Variants in SEC31B observed in about 807,000 individuals in gnomAD.
SEC31B encodes the protein SEC31 homolog B, COPII component.
A neutral mutation model predicts 135.0 loss-of-function variants in SEC31B; 113 were observed. That is an observed-to-expected ratio of 0.84 (90% confidence interval 0.72 to 0.98). The LOEUF is 0.98. Ranked by LOEUF, SEC31B falls within the 50% of genes least tolerant of loss-of-function variation. SEC31B has a pLI of 0.00. For synonymous variants in SEC31B, 508 were observed against 549.4 expected (o/e 0.92, Z 1.05); for missense variants, 1,296 against 1,421.1 (o/e 0.91, Z 1.42).
At chr10:100,509,170 A>C (rs936251401) in intron 4 of SEC31B, 68 bp from the exon 5 acceptor site, 8 of 1,564,580 alleles carry the variant, frequency 5.1e-6, no homozygotes, top group East Asian at 2.2e-5. Flanking sequence ...AGGAGGAAAG[A>C]AGCCCAAATT....
At chr10:100,497,641 A>T in intron 16 of SEC31B, 26 bp downstream of exon 16, 1 of 1,613,974 alleles carries the variant, frequency 6.2e-7, no homozygotes. Context: ...ACACCATTTC[A>T]TCCTGAAGCC....
intron 3 of SEC31B, 142 bp from the exon 4 acceptor site, chr10:100,509,653 A>C (rs1851703293): frequency 3.2e-6 from 2 of 631,120 alleles, no homozygotes; most frequent in East Asian, 5.6e-5. Flanking sequence ...TTTCCCAGAC[A>C]GAAGGGATGT....
intron 10 of SEC31B, among the ~76,000 whole-genome samples, chr10:100,504,423 G>A (rs975069612): frequency 6.6e-6 from 1 of 152,196 alleles, no homozygotes; most frequent in African/African-American, 2.4e-5. Flanking sequence ...CCGACCAGCT[G>A]CAAGGACATC....
chr10:100,498,515 C>T (rs1480896120), intron 14 of SEC31B, among the ~76,000 whole-genome samples, 190 bp downstream of exon 14: 1 of 152,112 alleles, frequency 6.6e-6, no homozygotes, highest in African/African-American at 2.4e-5. Context: ...GAAGGCCTTC[C>T]ATAGGAAGGA....
In SEC31B at chr10:100,488,856, A is replaced by G. The variant is rs1248555203; in HGVS notation, c.3288+2T>C. On this transcript the variant is annotated splice_donor_variant, in intron 24 of 25. Transcript: ENST00000370345. LOFTEE classifies it high-confidence loss of function. ...GGCACTGTGAAGAAGGTTCAGACTT[A>G]CTAAGTCAGTTGCAGACAGGGAGCA... 2.5e-6 allele frequency: 4 copies of G among 1,587,752 alleles called. No homozygotes were observed. The highest frequency in any genetic ancestry group is 3.4e-6 in the Non-Finnish European group (4 of 1,167,858).
In SEC31B at chr10:100,506,196, T is replaced by G; in HGVS notation, c.888A>C (p.Val296=). ...LCRNLGSSEV[V]YKLPTQSSWC... Reference sequence around the variant, plus strand: ...AGCTGCTCTGTGTTGGTAGCTTATATACCACCTAATATGAGGGAACACACC... The same window carrying G: ...AGCTGCTCTGTGTTGGTAGCTTATAGACCACCTAATATGAGGGAACACACC... Residue 296 remains valine (V), a synonymous_variant, in exon 9 of 26, where the codon GTA becomes GTC. Transcript: ENST00000370345. 5 of 1,614,188 alleles carry G rather than the reference T, an allele frequency of 3.1e-6. No homozygotes were observed. The highest frequency in any genetic ancestry group is 4.2e-6 in the Non-Finnish European group (5 of 1,180,028).
chr10:100,495,426 C>T lies in SEC31B; in HGVS notation c.2431G>A (p.Glu811Lys), dbSNP rs1453656170. 1.9e-6 allele frequency: 3 copies of T among 1,613,852 alleles called. No homozygotes were observed. The African/African-American group carries it at 4.0e-5, about 22-fold the overall frequency. Residue 811 changes from glutamate to lysine, a missense_variant, in exon 19 of 26, where the codon GAG becomes AAG. Coordinates refer to ENST00000370345, the MANE Select transcript of SEC31B (RefSeq NM_015490.4). ...IVVGATLHSK[E>K]TSSYRLGSQP... ...GATCCCAATCTGTAAGATGATGTCTCTTTAGAGTGGAGGGTAGCTCCCACA... is the reference window on the plus strand; with the variant it reads ...GATCCCAATCTGTAAGATGATGTCTTTTTAGAGTGGAGGGTAGCTCCCACA...
At chr10:100,506,238 G>A in intron 8 of SEC31B, 37 bp from the exon 9 acceptor site, 2 of 1,614,078 alleles carry the variant, frequency 1.2e-6, no homozygotes, top group Non-Finnish European at 1.7e-6. Flanking sequence ...GACAGTCCAT[G>A]AAACCCAAAA....
In SEC31B at chr10:100,505,451, C is replaced by T. The variant is rs544074891; in HGVS notation, c.1089G>A (p.Gln363=). The T allele has an allele frequency of 3.1e-6, 5 of 1,592,304 alleles. No individual in the cohort carries two copies. In the South Asian group the frequency reaches 3.5e-5, roughly 11 times the overall value. The change falls in exon 10 of 26, where the codon CAG becomes CAA. Residue 363 remains glutamine (Q), a synonymous_variant. Coordinates refer to ENST00000370345, the MANE Select transcript of SEC31B (RefSeq NM_015490.4). The part of the protein sequence containing the change: ...FSKGQPLPPL[Q]VPEQVAQAPL... Reference sequence around the variant, plus strand: ...GTGCTTGTGCCACTTGCTCTGGCACCTGCAGTGGTGGGAGAGGCTGGCCTT... The same window carrying T: ...GTGCTTGTGCCACTTGCTCTGGCACTTGCAGTGGTGGGAGAGGCTGGCCTT...
Position 100,509,406 on chromosome 10 carries a change from G to A in SEC31B, c.309C>T (p.Thr103=), listed in dbSNP as rs746564253. Residue 103 remains threonine, a synonymous_variant, in exon 4 of 26, where the codon ACC becomes ACT. Transcript: ENST00000370345. ...DNGMLILYNV[T]HILSSGKEPV... The stretch of plus-strand genomic sequence containing the variant: ...GCTCCTTCCCCGAAGACAGGATGTG[G>A]GTCACATTGTATAGAATAAGCATGC... The A allele has an allele frequency of 1.9e-6, 3 of 1,614,134 alleles. No individual in the cohort carries two copies. The highest frequency in any genetic ancestry group is 2.5e-6 in the Non-Finnish European group (3 of 1,180,012).
chr10:100,497,842 A>C (rs1359638975), intron 15 of SEC31B, 49 bp from the exon 16 acceptor site: 7 of 1,613,654 alleles, frequency 4.3e-6, no homozygotes, highest in Non-Finnish European at 5.1e-6. Context: ...CATCCAGCAT[A>C]GGCAGCAGGA....
rs767897821 is a variant in SEC31B at position 100,502,482 on chromosome 10, A to C, written c.1182T>G (p.Phe394Leu). The C allele has an allele frequency of 1.2e-6, 2 of 1,611,174 alleles. No individual in the cohort carries two copies. The highest frequency in any genetic ancestry group is 2.2e-5 in the South Asian group (2 of 90,948). ...GGCCAAAAGTAACCAGCTTCCCTCC[A>C]AACTGGTGAGGAAAAGCAAGAAGGG... ...IRRPTGVSFA[F>L]GGKLVTFGLP... The change falls in exon 11 of 26, where the codon TTT (phenylalanine) becomes TTG (leucine). Residue 394 changes from phenylalanine to leucine, a missense_variant and splice_region_variant. Physicochemically the swap from Phe to Leu is conservative, Grantham distance 22. Coordinates refer to ENST00000370345, the MANE Select transcript of SEC31B (RefSeq NM_015490.4).
chr10:100,508,881 A>T (rs1360991507), intron 5 of SEC31B, 126 bp downstream of exon 5: 21 of 712,454 alleles, frequency 2.9e-5, no homozygotes, highest in Non-Finnish European at 4.6e-5. Flanking sequence ...TAGTCTGTGG[A>T]GCTTTATTGC....
At chr10:100,489,513 TGG>T (rs1851258099) in intron 22 of SEC31B, 115 bp from the exon 23 acceptor site, 1 of 1,411,590 alleles carries the variant, frequency 7.1e-7, no homozygotes, top group African/African-American at 1.4e-5. Flanking sequence ...TGTGGGAAAC[TGG>T]GAAGTGAGGA....
At chr10:100,496,460 C>A (rs993660140) in intron 17 of SEC31B, 29 bp from the exon 18 acceptor site, 1 of 1,612,030 alleles carries the variant, frequency 6.2e-7, no homozygotes, top group Non-Finnish European at 8.5e-7. Flanking sequence ...GGGTGGTAAG[C>A]CTTCAATGAG....
At position 100,488,116 on chromosome 10, in the gene SEC31B, G is replaced by A; in HGVS notation, c.3289-18C>T. 1.2e-6 allele frequency: 2 copies of A among 1,611,238 alleles called. No individual in the cohort carries two copies. Among genetic ancestry groups the A allele is most frequent in the Non-Finnish European group, 1.7e-6 (2 of 1,177,524 alleles). ...TTTGTCTTCTGCAGGGAAAGAAATG[G>A]ATTCCAACCCCAGCCCCTAAGTCTA... On this transcript the variant is annotated intron_variant, in intron 24 of 25. Coordinates refer to ENST00000370345, the MANE Select transcript of SEC31B (RefSeq NM_015490.4).
At chr10:100,513,956 G>C (rs1216261297) in intron 3 of SEC31B, among the ~76,000 whole-genome samples, 1 of 151,916 alleles carries the variant, frequency 6.6e-6, no homozygotes, top group Non-Finnish European at 1.5e-5. Flanking sequence ...AGGCCGAGGT[G>C]GTTGGATCAC....
chr10:100,498,853 G>T (rs1851464196), intron 13 of SEC31B, 49 bp from the exon 14 acceptor site: 2 of 1,398,684 alleles, frequency 1.4e-6, no homozygotes, highest in East Asian at 2.3e-5. Context: ...ACCCAAGACA[G>T]ACAGAGAGCT....
intron 12 of SEC31B, 37 bp from the exon 13 acceptor site, chr10:100,499,295 CG>C (rs1297031036): frequency 6.7e-7 from 1 of 1,498,650 alleles, no homozygotes; most frequent in Admixed American, 1.8e-5. Flanking sequence ...CTCTTTCAAG[CG>C]TAAGATCAAA....
Sources: allele counts gnomAD v4.1 joint callset (sites outside exome capture counted in the v4.1 genomes callset), GRCh38; gene constraint gnomAD v4.1.1; transcripts MANE v1.5; gene names NCBI Gene and HGNC (gene_info 2026-07-23, HGNC 2026-07-21).